The following CALD1 variants were observed in gnomAD, a reference collection of about 807,000 sequenced individuals.
CALD1 encodes the protein caldesmon.
CALD1 carries 33 observed loss-of-function variants against 99.9 expected under a neutral mutation model. That is an observed-to-expected ratio of 0.33 (90% confidence interval 0.25 to 0.44). The LOEUF is 0.44. Among genes scored for constraint, CALD1 ranks in the 20% least tolerant of loss-of-function variants. CALD1 has a pLI of 1.00. For synonymous variants in CALD1, 310 were observed against 325.0 expected (o/e 0.95, Z 0.50); for missense variants, 861 against 962.1 (o/e 0.89, Z 1.39).
At chr7:134,867,520 G>A in intron 2 of CALD1, among the ~76,000 whole-genome samples, 173 bp from the exon 3 acceptor site, 1 of 152,150 alleles carries the variant, frequency 6.6e-6, no homozygotes, top group East Asian at 1.9e-4. Context: ...TCATGAATGA[G>A]ACTGAATTTA....
chr7:134,937,838 A>G (rs145281841), intron 6 of CALD1, among the ~76,000 whole-genome samples: 16 of 152,338 alleles, frequency 1.1e-4, no homozygotes, highest in Admixed American at 7.8e-4. Context: ...AACTGTGGCA[A>G]TGAGTTGCAG....
intron 1 of CALD1, among the ~76,000 whole-genome samples, chr7:134,832,602 C>T (rs927432855): frequency 1.3e-5 from 2 of 152,200 alleles, no homozygotes; most frequent in Non-Finnish European, 1.5e-5. Context: ...TGGGTTCAAA[C>T]AGCCTAAGAA....
chr7:134,913,355 G>C (rs180816516), intron 3 of CALD1, among the ~76,000 whole-genome samples: 16 of 152,004 alleles, frequency 1.1e-4, no homozygotes, highest in Non-Finnish European at 1.6e-4. Flanking sequence ...TCACATTATC[G>C]ATTACAATGC....
chr7:134,751,990 T>C (rs1487696693), intron 1 of CALD1, among the ~76,000 whole-genome samples: 1 of 152,120 alleles, frequency 6.6e-6, no homozygotes, highest in Non-Finnish European at 1.5e-5. Context: ...AAAAAGTTTG[T>C]CATCTATACT....
Position 134,941,082 on chromosome 7 carries a change from T to G in CALD1, c.1387-10T>G. 1 of 1,602,648 alleles carries G rather than the reference T, an allele frequency of 6.2e-7. No individual in the cohort carries two copies. The highest frequency in any genetic ancestry group is 8.5e-7 in the Non-Finnish European group (1 of 1,176,010). ...TGTTCTGTTTCTTCCTGATATGTAC[T>G]GTTGGTTAGATCAAAGATGAAAAGA... On this transcript the variant is annotated splice_polypyrimidine_tract_variant and intron_variant, in intron 6 of 14. Transcript: ENST00000361675.
chr7:134,899,665 A>C (rs1329825346), intron 3 of CALD1, among the ~76,000 whole-genome samples: 1 of 142,032 alleles, frequency 7.0e-6, no homozygotes, highest in Non-Finnish European at 1.5e-5. Flanking sequence ...TTGTTTTGAG[A>C]CAGGGTCTTG....
chr7:134,895,451 T>C (rs968890362), intron 3 of CALD1, among the ~76,000 whole-genome samples: 1 of 152,100 alleles, frequency 6.6e-6, no homozygotes, highest in African/African-American at 2.4e-5. Flanking sequence ...TTTTTAATCA[T>C]GCTGTAAAAC....
intron 3 of CALD1, among the ~76,000 whole-genome samples, chr7:134,873,143 T>C (rs13230039): frequency 0.32 from 48,231 of 151,762 alleles, 9,007 homozygotes; most frequent in African/African-American, 0.53. Flanking sequence ...GCCACGATCA[T>C]GCCACTGCAC....
chr7:134,732,623 A>G, the CALD1 span, among the ~76,000 whole-genome samples: 1 of 152,200 alleles, frequency 6.6e-6, no homozygotes, highest in East Asian at 1.9e-4. Context: ...TATATTGTTT[A>G]TAAATTACCA....
At chr7:134,817,981 C>T (rs1373102365) in intron 1 of CALD1, among the ~76,000 whole-genome samples, 1 of 152,152 alleles carries the variant, frequency 6.6e-6, no homozygotes, top group Non-Finnish European at 1.5e-5. Flanking sequence ...ATAACCTCAT[C>T]TGTAATAAAC....
At chr7:134,722,238 C>T in the CALD1 span, among the ~76,000 whole-genome samples, 1 of 152,112 alleles carries the variant, frequency 6.6e-6, no homozygotes, top group Non-Finnish European at 1.5e-5. Flanking sequence ...TCTATTGTTC[C>T]TTTCCTCCGG....
chr7:134,939,965 TA>T (rs61100207), intron 6 of CALD1, among the ~76,000 whole-genome samples: 210 of 146,738 alleles, frequency 1.4e-3, no homozygotes, highest in African/African-American at 3.0e-3. Flanking sequence ...CTCTGTCTCT[TA>T]AAAAAAAAAA....
At chr7:134,889,679 G>C (rs142312978) in intron 3 of CALD1, among the ~76,000 whole-genome samples, 1 of 152,200 alleles carries the variant, frequency 6.6e-6, no homozygotes, top group Admixed American at 6.5e-5. Context: ...GTTCTAGAGC[G>C]AGAAACTCAG....
rs561648714 is a variant in CALD1 at position 134,816,426 on chromosome 7, C to T, written c.-129-27458C>T. Among the ~76,000 whole-genome samples the T allele has an allele frequency of 5.9e-5, 9 of 152,224 alleles. No individual in the cohort carries two copies. The South Asian group carries it at 8.3e-4, about 14-fold the overall frequency. On this transcript the variant is annotated intron_variant, in intron 1 of 14. Transcript: ENST00000361675. ...TAATTTTCACATGCTGGAAAAGGTG[C>T]GAATTTGACTAGTTCCATTTAGTCT...
chr7:134,929,047 C>T, intron 4 of CALD1, 147 bp downstream of exon 4: 1 of 671,346 alleles, frequency 1.5e-6, no homozygotes, highest in South Asian at 2.3e-5. Context: ...TCATTTTAGG[C>T]AACTAATCTG....
chr7:134,808,303 T>G (rs1344971967), intron 1 of CALD1, among the ~76,000 whole-genome samples: 1 of 151,822 alleles, frequency 6.6e-6, no homozygotes, highest in Non-Finnish European at 1.5e-5. Flanking sequence ...AGACAACGTC[T>G]CACTATGTTG....
rs1404510281 is a variant in CALD1, at chr7:134,960,586, T to C, written c.2253T>C (p.Thr751=). The change falls in exon 13 of 15, where the codon ACT becomes ACC. Residue 751 remains threonine (T), a synonymous_variant. Transcript: ENST00000361675. ...CTAGCCGCATCAATGAATGGCTAAC[T>C]AAAACCCCAGATGGAAACAAGTCAC... ...GVSSRINEWL[T]KTPDGNKSPA... 1 of 1,613,726 alleles carries C rather than the reference T, an allele frequency of 6.2e-7. No homozygotes were observed. The highest frequency in any genetic ancestry group is 8.5e-7 in the Non-Finnish European group (1 of 1,179,656).
At chr7:134,857,439 GA>G (rs572165561) in intron 2 of CALD1, among the ~76,000 whole-genome samples, 40 of 151,910 alleles carry the variant, frequency 2.6e-4, no homozygotes, top group African/African-American at 9.2e-4. Context: ...TTACAAGCGT[GA>G]GCCACCGCGC....
intron 1 of CALD1, among the ~76,000 whole-genome samples, chr7:134,746,056 T>G (rs1051833994): frequency 1.3e-5 from 2 of 152,212 alleles, no homozygotes; most frequent in Admixed American, 1.3e-4. Flanking sequence ...AACTGGAATT[T>G]CCAGAAATGG....
Sources: allele counts gnomAD v4.1 joint callset (sites outside exome capture counted in the v4.1 genomes callset), GRCh38; gene constraint gnomAD v4.1.1; transcripts MANE v1.5; gene names NCBI Gene and HGNC (gene_info 2026-07-23, HGNC 2026-07-21).